The following ANO4 variants were observed in gnomAD, a reference collection of about 807,000 sequenced individuals.
ANO4 encodes the protein anoctamin 4.
A neutral mutation model predicts 141.9 loss-of-function variants in ANO4; 69 were observed. The ratio of observed to expected loss-of-function variants is 0.49; its 90% CI spans 0.40 to 0.59. The LOEUF is 0.59. Among genes scored for constraint, ANO4 ranks in the 20% least tolerant of loss-of-function variants. ANO4 has a pLI of 0.00. For missense variants in ANO4, 894 were observed against 1,162.2 expected (o/e 0.77, Z 3.36); for synonymous variants, 350 against 394.3 (o/e 0.89, Z 1.33).
intron 1 of ANO4, among the ~76,000 whole-genome samples, chr12:100,831,875 T>C (rs934649716): frequency 6.6e-6 from 1 of 152,082 alleles, no homozygotes; most frequent in African/African-American, 2.4e-5. Flanking sequence ...TTTCTAAAAT[T>C]CCAGACTCTT....
intron 3 of ANO4, among the ~76,000 whole-genome samples, chr12:100,938,899 T>G (rs2042393001): frequency 6.6e-6 from 1 of 152,192 alleles, no homozygotes; most frequent in South Asian, 2.1e-4. Flanking sequence ...ATGGGTTCAC[T>G]TGGCAAGCTA....
chr12:100,804,644 C>G (rs148479338), intron 1 of ANO4, among the ~76,000 whole-genome samples: 2 of 152,310 alleles, frequency 1.3e-5, no homozygotes, highest in African/African-American at 2.4e-5. Flanking sequence ...AATCACCCTT[C>G]TGACTGGCGT....
intron 6 of ANO4, 171 bp from the exon 7 acceptor site, chr12:100,974,674 A>T (rs927176833): frequency 2.7e-6 from 2 of 736,346 alleles, no homozygotes; most frequent in Admixed American, 3.7e-5. Flanking sequence ...TGACTCAAAA[A>T]CGCATGCCCT....
At chr12:100,873,729 A>G (rs1429909304) in intron 1 of ANO4, among the ~76,000 whole-genome samples, 3 of 152,248 alleles carry the variant, frequency 2.0e-5, no homozygotes, top group Non-Finnish European at 2.9e-5. Flanking sequence ...TATGTGGTAG[A>G]GAAGAAAAAT....
rs183355816 is a variant in ANO4, at chr12:100,871,551, T to C, written c.-140-30095T>C. 7.2e-5 allele frequency among the ~76,000 whole-genome samples: 11 copies of C among 152,360 alleles called. No individual in the cohort carries two copies. In the East Asian group the frequency reaches 2.1e-3, roughly 29 times the overall value. On this transcript the variant is annotated intron_variant, in intron 1 of 27. Transcript: ENST00000392977. ...TACAAGTCTTTTTCCTTCTGTAGAC[T>C]GAATGCCCTGACAGCAAGGACTGTT...
At chr12:100,820,697 C>CCATAGGCAAAA (rs1379677121) in intron 1 of ANO4, among the ~76,000 whole-genome samples, 2 of 152,164 alleles carry the variant, frequency 1.3e-5, no homozygotes, top group Non-Finnish European at 2.9e-5. Flanking sequence ...AGTTGAGATT[C>CCATAGGCAAAA]TGAACTACCT....
intron 3 of ANO4, among the ~76,000 whole-genome samples, chr12:100,756,985 C>A (rs1478455875): frequency 1.3e-5 from 2 of 152,160 alleles, no homozygotes; most frequent in African/African-American, 2.4e-5. Context: ...GTCCTGCAGG[C>A]ACTCTGACTC....
At chr12:100,752,118 G>A (rs1313156600) in intron 3 of ANO4, among the ~76,000 whole-genome samples, 1 of 152,114 alleles carries the variant, frequency 6.6e-6, no homozygotes, top group Non-Finnish European at 1.5e-5. Flanking sequence ...AAATGTTAGC[G>A]AAAGCTACTT....
At chr12:101,062,841 TGAGCTAGACTGCTTG>T (rs1343530911) in intron 14 of ANO4, among the ~76,000 whole-genome samples, 2 of 152,242 alleles carry the variant, frequency 1.3e-5, no homozygotes, top group African/African-American at 2.4e-5. Flanking sequence ...TGGGATCCGC[TGAGCTAGACTGCTTG>T]GCTCCCTGGC....
intron 14 of ANO4, among the ~76,000 whole-genome samples, chr12:101,070,019 GAC>G (rs1460343479): frequency 6.6e-6 from 1 of 151,782 alleles, no homozygotes; most frequent in Non-Finnish European, 1.5e-5. Context: ...AATTGAAGAG[GAC>G]ACAAAAAATG....
intron 5 of ANO4, among the ~76,000 whole-genome samples, chr12:100,955,892 A>G (rs755771469): frequency 1.3e-5 from 2 of 152,192 alleles, no homozygotes; most frequent in Non-Finnish European, 2.9e-5. Flanking sequence ...TTGAGGCCTT[A>G]GGGCTCCTCT....
At chr12:101,011,666 T>C (rs2046100361) in intron 8 of ANO4, among the ~76,000 whole-genome samples, 2 of 152,196 alleles carry the variant, frequency 1.3e-5, no homozygotes, top group African/African-American at 4.8e-5. Flanking sequence ...AAGAAGACTG[T>C]AGCAGTCACT....
intron 19 of ANO4, among the ~76,000 whole-genome samples, 177 bp from the exon 20 acceptor site, chr12:101,097,474 C>T (rs1363348145): frequency 1.3e-5 from 2 of 152,166 alleles, no homozygotes; most frequent in African/African-American, 2.4e-5. Context: ...GAGACATGTG[C>T]CCTGGAGAAT....
At chr12:100,921,949 A>C (rs1232154918) in intron 2 of ANO4, among the ~76,000 whole-genome samples, 1 of 152,168 alleles carries the variant, frequency 6.6e-6, no homozygotes, top group Non-Finnish European at 1.5e-5. Context: ...TACGTAGGGA[A>C]TTATCAGTAA....
At chr12:101,040,622 T>C (rs1420178767) in intron 11 of ANO4, among the ~76,000 whole-genome samples, 1 of 152,206 alleles carries the variant, frequency 6.6e-6, no homozygotes, top group Non-Finnish European at 1.5e-5. Flanking sequence ...ATTATTATTA[T>C]ACTTTAAGTT....
chr12:101,080,879 T>G (rs1232725697), intron 15 of ANO4, among the ~76,000 whole-genome samples: 1 of 93,610 alleles, frequency 1.1e-5, no homozygotes, highest in African/African-American at 3.7e-5. Context: ...TATATATATA[T>G]ATATTATATA....
At chr12:101,099,448 CTTTA>C in intron 21 of ANO4, 126 bp from the exon 22 acceptor site, 1 of 806,026 alleles carries the variant, frequency 1.2e-6, no homozygotes, top group South Asian at 2.0e-5. Context: ...TAACCTGAGG[CTTTA>C]TTTCTTTGAT....
At chr12:101,031,565 T>G (rs554112013) in intron 9 of ANO4, among the ~76,000 whole-genome samples, 4 of 152,268 alleles carry the variant, frequency 2.6e-5, no homozygotes, top group African/African-American at 9.6e-5. Context: ...CATCATAGTA[T>G]TGGAAGTTCT....
chr12:101,005,732 T>C, intron 8 of ANO4, among the ~76,000 whole-genome samples: 1 of 152,370 alleles, frequency 6.6e-6, no homozygotes, highest in Admixed American at 6.5e-5. Flanking sequence ...GAACCTTATA[T>C]ATAAATAGAT....
Sources: allele counts gnomAD v4.1 joint callset (sites outside exome capture counted in the v4.1 genomes callset), GRCh38; gene constraint gnomAD v4.1.1; transcripts MANE v1.5; gene names NCBI Gene and HGNC (gene_info 2026-07-23, HGNC 2026-07-21).